The following DNAH6 variants were observed in gnomAD, a reference collection of about 807,000 sequenced individuals.
DNAH6 encodes the protein dynein axonemal heavy chain 6.
Under a neutral mutation model 491.4 loss-of-function variants are expected in DNAH6, and 340 were observed. The ratio of observed to expected loss-of-function variants is 0.69; its 90% CI spans 0.63 to 0.76. The LOEUF (loss-of-function observed/expected upper bound fraction) is 0.76, where lower values mean the gene tolerates loss of function less well. DNAH6 is among the 30% of genes least tolerant of loss of function. The pLI is 0.00. For synonymous variants in DNAH6, 1,603 were observed against 1,686.1 expected (o/e 0.95, Z 1.21); for missense variants, 4,443 against 4,972.2 (o/e 0.89, Z 3.20).
chr2:84,544,142 G>A (rs984114560), intron 4 of DNAH6, 91 bp from the exon 5 acceptor site: 6 of 652,000 alleles, frequency 9.2e-6, no homozygotes, highest in African/African-American at 5.5e-5. Context: ...TTCCAGAAAT[G>A]TTTTATCTCT....
chr2:84,548,475 A>C (rs1381177078), intron 8 of DNAH6, 58 bp downstream of exon 8: 4 of 1,596,978 alleles, frequency 2.5e-6, no homozygotes, highest in Non-Finnish European at 3.4e-6. Context: ...CTGCATTAAA[A>C]ATTAAACCCC....
intron 47 of DNAH6, 125 bp from the exon 48 acceptor site, chr2:84,699,469 T>G (rs1282080302): frequency 2.4e-6 from 2 of 829,962 alleles, no homozygotes; most frequent in East Asian, 2.7e-5. Context: ...ACAAGAAAAT[T>G]TACATATCTA....
intron 69 of DNAH6, 56 bp from the exon 70 acceptor site, chr2:84,797,481 G>C (rs1678465860): frequency 6.7e-7 from 1 of 1,501,298 alleles, no homozygotes; most frequent in Admixed American, 2.2e-5. Context: ...ATCAAACTTG[G>C]CAGTACAAAG....
chr2:84,733,478 C>T lies in DNAH6; in HGVS notation c.10241C>T (p.Pro3414Leu), dbSNP rs184222126. ...RPPKPEAPWLPTATWFACCDL... is the reference protein window; with the variant it reads ...RPPKPEAPWLLTATWFACCDL... ...CCTAAGCCTGAAGCTCCCTGGCTACCTACTGCTACATGGTTCGCATGCTGT... is the reference window on the plus strand; with the variant it reads ...CCTAAGCCTGAAGCTCCCTGGCTACTTACTGCTACATGGTTCGCATGCTGT... The change falls in exon 62 of 77, where the codon CCT becomes CTT. Residue 3414 changes from proline to leucine, a missense_variant. Around this residue, in one of 3 missense-constraint regions of DNAH6, gnomAD observed 1,463 missense variants for 1,656.6 expected, o/e 0.88. Coordinates refer to ENST00000389394, the MANE Select transcript of DNAH6 (RefSeq NM_001370.2). The T allele has an allele frequency of 5.5e-4, 851 of 1,551,264 alleles. 3 individuals are homozygous for T. In the African/African-American group the frequency reaches 9.5e-3, roughly 17 times the overall value.
At chr2:84,646,315 T>A (rs912894639) in intron 33 of DNAH6, among the ~76,000 whole-genome samples, 2 of 152,072 alleles carry the variant, frequency 1.3e-5, no homozygotes, top group African/African-American at 4.8e-5. Context: ...TCCTTGGGCC[T>A]CCCTCTTCTC....
chr2:84,526,891 AG>A (rs1676651653), intron 3 of DNAH6, among the ~76,000 whole-genome samples: 2 of 152,130 alleles, frequency 1.3e-5, no homozygotes, highest in Admixed American at 1.3e-4. Context: ...TTTAAAGAAA[AG>A]GAGAGAACGT....
At chr2:84,499,804 CAT>C in the DNAH6 span, among the ~76,000 whole-genome samples, 7 of 152,190 alleles carry the variant, frequency 4.6e-5, no homozygotes, top group African/African-American at 1.4e-4. Context: ...AACACCTTTT[CAT>C]ATGCCTGTTT....
At chr2:84,509,235 T>A in the DNAH6 span, among the ~76,000 whole-genome samples, 1 of 152,354 alleles carries the variant, frequency 6.6e-6, no homozygotes, top group East Asian at 1.9e-4. Flanking sequence ...GGACTTGCTT[T>A]ATGAATCTGG....
intron 14 of DNAH6, among the ~76,000 whole-genome samples, chr2:84,580,537 A>G (rs1682915518): frequency 6.6e-6 from 1 of 152,202 alleles, no homozygotes; most frequent in South Asian, 2.1e-4. Context: ...GAAATGCTTC[A>G]ATTAAAAAAG....
intron 62 of DNAH6, among the ~76,000 whole-genome samples, chr2:84,733,923 G>C (rs1317104721): frequency 6.6e-6 from 1 of 151,072 alleles, no homozygotes; most frequent in Non-Finnish European, 1.5e-5. Flanking sequence ...CAGAAAAATG[G>C]ACAAATCAAA....
intron 18 of DNAH6, among the ~76,000 whole-genome samples, chr2:84,601,026 T>TAACGTTATTATTATAGTATAATAATAAC (rs1176919328): frequency 1.4e-5 from 2 of 144,570 alleles, no homozygotes; most frequent in African/African-American, 5.3e-5. Flanking sequence ...ATAATAATAA[T>TAACGTTATTATTATAGTATAATAATAAC]GTTATTATTA....
chr2:84,625,246 G>A (rs1156780673), intron 29 of DNAH6, among the ~76,000 whole-genome samples, 183 bp downstream of exon 29: 1 of 152,088 alleles, frequency 6.6e-6, no homozygotes, highest in Admixed American at 6.5e-5. Flanking sequence ...TGGTGGTCTG[G>A]GTAGTCTGGA....
intron 19 of DNAH6, 40 bp downstream of exon 19, chr2:84,604,591 A>T: frequency 6.9e-7 from 1 of 1,444,176 alleles, no homozygotes; most frequent in Non-Finnish European, 9.4e-7. Flanking sequence ...ACCATTAGGG[A>T]ATGTGAAAGT....
At chr2:84,658,957 C>G in intron 36 of DNAH6, 69 bp from the exon 37 acceptor site, 1 of 982,048 alleles carries the variant, frequency 1.0e-6, no homozygotes, top group Non-Finnish European at 1.5e-6. Flanking sequence ...TATCTTTACA[C>G]TTTGCAGCTT....
intron 64 of DNAH6, among the ~76,000 whole-genome samples, chr2:84,779,651 T>C (rs1676487335): frequency 6.6e-6 from 1 of 152,180 alleles, no homozygotes; most frequent in Non-Finnish European, 1.5e-5. Flanking sequence ...TTAATATTGA[T>C]ATGTAAGGTT....
the DNAH6 span, among the ~76,000 whole-genome samples, chr2:84,462,077 A>G: frequency 6.6e-6 from 1 of 152,268 alleles, no homozygotes. Flanking sequence ...CCTAAATAAT[A>G]TAGCTACAAA....
Position 84,676,718 on chromosome 2 carries a change from G to A in DNAH6, c.6613-287G>A, listed in dbSNP as rs763773499. 3.9e-4 allele frequency among the ~76,000 whole-genome samples: 60 copies of A among 152,182 alleles called. 2 individuals are homozygous for A. Among genetic ancestry groups the A allele is most frequent in the Admixed American group, 3.3e-3 (51 of 15,282 alleles). ...AATGGCTATGTTTTATCTTCAGATA[G>A]CAAAGTTTTTAGGATTACAGTTTCA... On this transcript the variant is annotated intron_variant, in intron 40 of 76. Coordinates refer to ENST00000389394, the MANE Select transcript of DNAH6 (RefSeq NM_001370.2).
intron 32 of DNAH6, among the ~76,000 whole-genome samples, chr2:84,641,164 C>A (rs547989985): frequency 3.0e-4 from 46 of 152,252 alleles, no homozygotes; most frequent in Non-Finnish European, 5.4e-4. Flanking sequence ...CATCTGGAAT[C>A]CCCAACTTGT....
At chr2:84,777,522 T>C in intron 64 of DNAH6, 3 of 743,770 alleles carry the variant, frequency 4.0e-6, no homozygotes, top group Non-Finnish European at 7.5e-6. Context: ...CCTTTGAGTT[T>C]GATCACCTCA....
Sources: allele counts gnomAD v4.1 joint callset (sites outside exome capture counted in the v4.1 genomes callset), GRCh38; gene constraint gnomAD v4.1.1; regional missense constraint gnomAD v4.1.1; transcripts MANE v1.5; gene names NCBI Gene and HGNC (gene_info 2026-07-23, HGNC 2026-07-21).